Variants in REC114 observed in about 807,000 individuals in gnomAD.
REC114 encodes REC114 meiotic recombination protein.
REC114 carries 27 observed loss-of-function variants against 31.3 expected under a neutral mutation model. The ratio of observed to expected loss-of-function variants is 0.86; its 90% CI spans 0.64 to 1.19. The LOEUF is 1.19. Ranked by LOEUF, REC114 falls within the 50% of genes most tolerant of loss-of-function variation. The probability of loss-of-function intolerance (pLI) is 0.00; values close to 1 mark genes in which losing one functional copy is unlikely to be tolerated. For missense variants in REC114, 344 were observed against 326.9 expected (o/e 1.05, Z -0.40); for synonymous variants, 134 against 127.7 (o/e 1.05, Z -0.33).
chr15:73,516,303 A>G (rs1893857748), intron 2 of REC114, among the ~76,000 whole-genome samples: 1 of 152,062 alleles, frequency 6.6e-6, no homozygotes. Flanking sequence ...TTTAACTATT[A>G]ATAAAATTAA....
intron 2 of REC114, among the ~76,000 whole-genome samples, chr15:73,494,818 C>G (rs1284466082): frequency 6.6e-6 from 1 of 152,196 alleles, no homozygotes; most frequent in Non-Finnish European, 1.5e-5. Flanking sequence ...AAATGGAGAT[C>G]TTTGACCTAA....
intron 2 of REC114, among the ~76,000 whole-genome samples, chr15:73,505,034 G>T (rs1427378584): frequency 6.6e-6 from 1 of 151,962 alleles, no homozygotes; most frequent in Non-Finnish European, 1.5e-5. Context: ...GTCCTCACAA[G>T]TGACCTTTTT....
At chr15:73,518,955 T>C (rs1347280566) in intron 2 of REC114, among the ~76,000 whole-genome samples, 2 of 152,300 alleles carry the variant, frequency 1.3e-5, no homozygotes, top group South Asian at 2.1e-4. Flanking sequence ...TAAAGACACA[T>C]TGAGGCCAAA....
chr15:73,458,567 T>A lies in REC114; in HGVS notation c.159+15223T>A, dbSNP rs917950650. Among the ~76,000 whole-genome samples, 3 of 152,218 alleles carry A rather than the reference T, an allele frequency of 2.0e-5. No individual in the cohort carries two copies. In the East Asian group the frequency reaches 5.8e-4, roughly 29 times the overall value. Reference sequence around the variant, plus strand: ...TTAAATAAGATGAAAGTTTATGATTTTCCGCATAAAAGTCCACAGCTGGTG... The same window carrying A: ...TTAAATAAGATGAAAGTTTATGATTATCCGCATAAAAGTCCACAGCTGGTG... On this transcript the variant is annotated intron_variant, in intron 1 of 5. Transcript: ENST00000331090.
At chr15:73,473,150 G>A (rs1420345278) in intron 1 of REC114, among the ~76,000 whole-genome samples, 4 of 152,150 alleles carry the variant, frequency 2.6e-5, no homozygotes, top group Non-Finnish European at 5.9e-5. Context: ...AGCACTTTGG[G>A]AGGCTGAGGT....
chr15:73,505,276 C>G (rs752496293), intron 2 of REC114, among the ~76,000 whole-genome samples: 1 of 152,124 alleles, frequency 6.6e-6, no homozygotes, highest in African/African-American at 2.4e-5. Flanking sequence ...GACATTTGGT[C>G]AGTGTAAATT....
At chr15:73,546,958 T>G (rs1316331998) in intron 3 of REC114, among the ~76,000 whole-genome samples, 1 of 151,986 alleles carries the variant, frequency 6.6e-6, no homozygotes, top group East Asian at 1.9e-4. Flanking sequence ...CTATGAAAAC[T>G]ACTACAAGAA....
chr15:73,443,487 C>A (rs192002173), intron 1 of REC114, 143 bp downstream of exon 1: 9 of 965,730 alleles, frequency 9.3e-6, no homozygotes, highest in Non-Finnish European at 1.3e-5. Context: ...ATGGACAGGC[C>A]GACAACTAAG....
At chr15:73,555,592 A>G (rs1894455300) in intron 4 of REC114, among the ~76,000 whole-genome samples, 1 of 152,140 alleles carries the variant, frequency 6.6e-6, no homozygotes, top group Admixed American at 6.5e-5. Flanking sequence ...GAGTTGCAAG[A>G]TAATTCATGG....
At chr15:73,558,878 T>C (rs1237701358) in intron 5 of REC114, among the ~76,000 whole-genome samples, 1 of 152,204 alleles carries the variant, frequency 6.6e-6, no homozygotes, top group Non-Finnish European at 1.5e-5. Context: ...TTATTCATAA[T>C]TGCAAAAAAA....
intron 2 of REC114, among the ~76,000 whole-genome samples, chr15:73,508,968 G>A (rs1442459790): frequency 2.0e-5 from 3 of 150,226 alleles, no homozygotes; most frequent in African/African-American, 7.3e-5. Context: ...CCAGTAATGG[G>A]ATGGCTGGGT....
At chr15:73,474,825 A>G (rs1893189015) in intron 2 of REC114, among the ~76,000 whole-genome samples, 1 of 152,182 alleles carries the variant, frequency 6.6e-6, no homozygotes, top group African/African-American at 2.4e-5. Flanking sequence ...GTTCTATCAT[A>G]ATATGGTAGG....
chr15:73,485,362 G>A (rs903447601), intron 2 of REC114, among the ~76,000 whole-genome samples: 5 of 152,158 alleles, frequency 3.3e-5, no homozygotes, highest in Non-Finnish European at 5.9e-5. Flanking sequence ...GATTACAGGT[G>A]TGAGCCACCG....
At chr15:73,543,893 C>T (rs1894274105) in intron 3 of REC114, among the ~76,000 whole-genome samples, 1 of 149,692 alleles carries the variant, frequency 6.7e-6, no homozygotes, top group Non-Finnish European at 1.5e-5. Context: ...TCCTGACTTG[C>T]ATGGGAAGTA....
intron 1 of REC114, among the ~76,000 whole-genome samples, chr15:73,454,142 TTAAATAAA>T (rs769849798): frequency 6.6e-6 from 1 of 151,566 alleles, no homozygotes; most frequent in East Asian, 1.9e-4. Context: ...CAAAAATAAA[TTAAATAAA>T]TAAATAAATA....
In REC114 at chr15:73,473,735, G is replaced by A. The variant is rs1595864213; in HGVS notation, c.160-97G>A. On this transcript the variant is annotated intron_variant, in intron 1 of 5. Transcript: ENST00000331090. ...GCAAAGAGAATGCTCGGAGTAAAAA[G>A]ATCAATATGAGAAAACACTTGGTCA... 9.0e-6 allele frequency: 6 copies of A among 668,150 alleles called. No homozygotes were observed. In the East Asian group the frequency reaches 1.8e-4, roughly 20 times the overall value. The allele number at this position is 668,150 out of a possible 1,614,324, so 41.4% of individuals were successfully genotyped here. A position where few individuals can be genotyped will look rare whatever the true frequency, so the allele number is the denominator to read the frequency against.
At chr15:73,553,061 C>G in intron 4 of REC114, among the ~76,000 whole-genome samples, 1 of 152,166 alleles carries the variant, frequency 6.6e-6, no homozygotes, top group East Asian at 1.9e-4. Context: ...GAGATCCACC[C>G]TCCTCGGCCT....
rs559777523 is a variant in REC114 at position 73,523,160 on chromosome 15, T to C, written c.250-17325T>C. On this transcript the variant is annotated intron_variant, in intron 2 of 5. Transcript: ENST00000331090. ...TTTATGTATATATTCTGAATTCAAG[T>C]CCTTCATCAGATATGTGATAAAAGA... 7.2e-5 allele frequency among the ~76,000 whole-genome samples: 11 copies of C among 152,266 alleles called. No homozygotes were observed. The South Asian group carries it at 1.9e-3, about 26-fold the overall frequency.
At position 73,473,855 on chromosome 15, in the gene REC114, T is replaced by G. The variant is rs995321234; in HGVS notation, c.183T>G (p.Ser61=). ...AGGTTTTTGATTCCAATGAAGAATC[T>G]GGATATCTTGTTCTCACCATAGTTA... The part of the protein sequence containing the change: ...TWKVFDSNEE[S]GYLVLTIVIS... The change falls in exon 2 of 6, where the codon TCT becomes TCG. Residue 61 remains serine (S), a synonymous_variant. Coordinates refer to ENST00000331090, the MANE Select transcript of REC114 (RefSeq NM_001042367.2). 4 of 1,580,800 alleles carry G rather than the reference T, an allele frequency of 2.5e-6. No homozygotes were observed. In the African/African-American group the frequency reaches 4.0e-5, roughly 16 times the overall value.
Sources: gnomAD v4.1 joint callset for allele counts (sites outside exome capture counted in the v4.1 genomes callset) on GRCh38, gnomAD v4.1.1 for gene constraint, MANE v1.5 for transcripts, NCBI Gene and HGNC (gene_info 2026-07-23, HGNC 2026-07-21) for gene names.